PCDHGA5: variants seen among roughly 807,000 people sequenced by gnomAD.
PCDHGA5 encodes the protein protocadherin gamma subfamily A, 5.
Under a neutral mutation model 56.7 loss-of-function variants are expected in PCDHGA5, and 36 were observed. That is an observed-to-expected ratio of 0.64 (90% confidence interval 0.49 to 0.84). The LOEUF is 0.84. PCDHGA5 is among the 40% of genes least tolerant of loss of function. The pLI, the probability that PCDHGA5 is intolerant of heterozygous loss-of-function variation, is 0.00. For missense variants in PCDHGA5, 1,305 were observed against 1,201.5 expected, an observed-to-expected ratio of 1.09 and a Z score of -1.27; for synonymous variants, 563 against 520.2, an observed-to-expected ratio of 1.08 and a Z score of -1.12.
At position 141,476,518 on chromosome 5, in the gene PCDHGA5, T is replaced by C; in HGVS notation, c.2422-18289T>C. 1 of 1,614,214 alleles carries C rather than the reference T, an allele frequency of 6.2e-7. No individual in the cohort carries two copies. Among genetic ancestry groups the C allele is most frequent in the Non-Finnish European group, 8.5e-7 (1 of 1,180,038 alleles). ...AGGACATCAACGACAACAATCCTGC[T>C]TTCCCTACCCAGGAAATGAAATTGG... is the stretch of plus-strand genomic sequence containing the variant. On this transcript the variant is annotated intron_variant, in intron 1 of 3. Transcript: ENST00000518069. This position sits in a 1 kb window ranked among gnomAD's most constrained non-coding sequence, Gnocchi z 7.6.
chr5:141,442,702 T>G (rs1301940560), intron 1 of PCDHGA5, among the ~76,000 whole-genome samples: 6 of 152,224 alleles, frequency 3.9e-5, no homozygotes, highest in Non-Finnish European at 8.8e-5. Context: ...GACAAGAGTA[T>G]CAGACATGCC....
chr5:141,413,636 T>G, intron 1 of PCDHGA5: 2 of 1,613,876 alleles, frequency 1.2e-6, no homozygotes, highest in South Asian at 2.2e-5. Context: ...GCTGCGGGAA[T>G]GCGTTTTCCT....
At chr5:141,496,817 T>C (rs2099771666) in intron 2 of PCDHGA5, among the ~76,000 whole-genome samples, 1 of 151,020 alleles carries the variant, frequency 6.6e-6, no homozygotes, top group Non-Finnish European at 1.5e-5. Flanking sequence ...AGTGAACAAG[T>C]AGATGTGATC....
chr5:141,459,315 T>A (rs2154566534), intron 1 of PCDHGA5, among the ~76,000 whole-genome samples: 1 of 152,362 alleles, frequency 6.6e-6, no homozygotes, highest in Non-Finnish European at 1.5e-5. Flanking sequence ...CTATTTTGTA[T>A]CCATCTTCTT....
Position 141,432,394 on chromosome 5 carries a change from C to T in PCDHGA5, c.2422-62413C>T, listed in dbSNP as rs149830124. The T allele has an allele frequency of 1.7e-5, 27 of 1,614,260 alleles. No individual in the cohort carries two copies. The African/African-American group carries it at 2.7e-4, about 16-fold the overall frequency. On this transcript the variant is annotated intron_variant, in intron 1 of 3. Transcript: ENST00000518069. The surrounding 1 kb of genome is among the most constrained non-coding windows in gnomAD (Gnocchi z 6.0). ...ACGGGCACCCGCCCCTCAGCAGCAA[C>T]GTGTCGTTGAGCCTGTTCGTGCTGG...
intron 1 of PCDHGA5, among the ~76,000 whole-genome samples, chr5:141,472,445 C>T (rs2099280467): frequency 6.6e-6 from 1 of 151,956 alleles, no homozygotes; most frequent in Non-Finnish European, 1.5e-5. Flanking sequence ...GAGGCTGAGG[C>T]AGGAGAATCG....
intron 1 of PCDHGA5, chr5:141,374,629 G>T (rs1404855518): frequency 6.2e-7 from 1 of 1,613,096 alleles, no homozygotes; most frequent in Non-Finnish European, 8.5e-7. Flanking sequence ...CAGTGGACGT[G>T]CAAAGCGAAG....
chr5:141,485,762 G>A lies in PCDHGA5; in HGVS notation c.2422-9045G>A, dbSNP rs774145313. 3.1e-6 allele frequency: 5 copies of A among 1,614,226 alleles called. No homozygotes were observed. The highest frequency in any genetic ancestry group is 3.3e-5 in the Admixed American group (2 of 60,030). ...CAGCCTGGTCCCAGAGCTGCTCCTG[G>A]AGAAGCCTTTGGATCGAGAGAAGCA... On this transcript the variant is annotated intron_variant, in intron 1 of 3. Transcript: ENST00000518069. The surrounding 1 kb of genome is among the most constrained non-coding windows in gnomAD (Gnocchi z 5.7).
At position 141,512,750 on chromosome 5, in the gene PCDHGA5, G is replaced by C. The variant is rs538475261; in HGVS notation, c.*1577G>C. The C allele has an allele frequency of 2.6e-5, 4 of 152,894 alleles. No homozygotes were observed. The highest frequency in any genetic ancestry group is 4.4e-5 in the Non-Finnish European group (3 of 68,656). 9.5% of individuals were successfully genotyped at this position (152,894 alleles called of 1,614,324 possible). ...AGCGGGCGGCGGGCTCCGCGCAGCC[G>C]TCTGTCCTTGATCTGCCCGCGGCGG... On this transcript the variant is annotated 3_prime_UTR_variant, in exon 4 of 4. Coordinates refer to ENST00000518069, the MANE Select transcript of PCDHGA5 (RefSeq NM_018918.3).
In PCDHGA5 at chr5:141,408,560, A is replaced by G. The variant is rs368143982; in HGVS notation, c.2421+41809A>G. The G allele has an allele frequency of 6.3e-5, 102 of 1,613,910 alleles. No homozygotes were observed. Among genetic ancestry groups the G allele is most frequent in the Non-Finnish European group, 8.4e-5 (99 of 1,179,898 alleles). On this transcript the variant is annotated intron_variant, in intron 1 of 3. Coordinates refer to ENST00000518069, the MANE Select transcript of PCDHGA5 (RefSeq NM_018918.3). ...AAATCCTTTAAATATTTTTCATGTC[A>G]TTGTGGTGATTGAGGATGTTAATGA... is the stretch of plus-strand genomic sequence containing the variant.
In PCDHGA5 at chr5:141,364,834, G is replaced by T; in HGVS notation, c.504G>T (p.Arg168=). The T allele has an allele frequency of 6.2e-7, 1 of 1,613,982 alleles. No homozygotes were observed. The change falls in exon 1 of 4, where the codon CGG becomes CGT. Residue 168 remains arginine, a synonymous_variant. Coordinates refer to ENST00000518069, the MANE Select transcript of PCDHGA5 (RefSeq NM_018918.3). The stretch of plus-strand genomic sequence containing the variant: ...CGGATGTGGGTGTGAACTCTCTCCG[G>T]AGTTACCAGCTCAGCTCCAATCTGC... The part of the protein sequence containing the change: ...RDADVGVNSL[R]SYQLSSNLHF...
chr5:141,421,473 C>T (rs907282414), intron 1 of PCDHGA5: 10 of 1,613,994 alleles, frequency 6.2e-6, no homozygotes, highest in Middle Eastern at 1.6e-4. Context: ...ATCCGCGAAG[C>T]GGCAGCTTGA....
intron 1 of PCDHGA5, among the ~76,000 whole-genome samples, chr5:141,465,017 C>T (rs1278815002): frequency 6.6e-6 from 1 of 152,132 alleles, no homozygotes; most frequent in Non-Finnish European, 1.5e-5. Context: ...GCTAAGATTA[C>T]AGCCATGAAC....
intron 1 of PCDHGA5, among the ~76,000 whole-genome samples, chr5:141,450,006 C>CTATTTT (rs70988802): frequency 0.12 from 16,177 of 132,696 alleles, 1,810 homozygotes; most frequent in African/African-American, 0.21. Flanking sequence ...TGCCATGTCT[C>CTATTTT]TTTTTTTTTT....
chr5:141,499,751 A>G (rs1355923543), intron 2 of PCDHGA5, among the ~76,000 whole-genome samples: 2 of 149,258 alleles, frequency 1.3e-5, no homozygotes, highest in Non-Finnish European at 3.0e-5. Flanking sequence ...CTGTGGCACA[A>G]TCTCAGCTCA....
chr5:141,404,372 G>A (rs747130914), intron 1 of PCDHGA5: 7 of 1,613,844 alleles, frequency 4.3e-6, no homozygotes, highest in South Asian at 1.1e-5. Context: ...CATCTTCTCC[G>A]TGATTGCCTA....
chr5:141,400,337 C>G (rs752660585), intron 1 of PCDHGA5: 7 of 1,614,080 alleles, frequency 4.3e-6, no homozygotes, highest in African/African-American at 2.7e-5. Flanking sequence ...GTGGTTCCCC[C>G]CAACTACAGT....
Position 141,431,826 on chromosome 5 carries a change from TTCCCGAAAACTC to T in PCDHGA5, c.2422-62976_2422-62965del, listed in dbSNP as rs755346532. ...GTCCTCACCTCTCTCGCCAGCTCGGTTCCCGAAAACTCTCCCAGAGGGACATTAATTGCCCTT... is the reference window on the plus strand; with the variant it reads ...GTCCTCACCTCTCTCGCCAGCTCGGTTCCCAGAGGGACATTAATTGCCCTT... On this transcript the variant is annotated intron_variant, in intron 1 of 3. Transcript: ENST00000518069. The surrounding 1 kb of genome is among the most constrained non-coding windows in gnomAD (Gnocchi z 4.8). The T allele has an allele frequency of 4.3e-6, 7 of 1,614,102 alleles. No individual in the cohort carries two copies. Among genetic ancestry groups the T allele is most frequent in the Admixed American group, 1.7e-5 (1 of 60,006 alleles).
intron 1 of PCDHGA5, chr5:141,371,338 A>G (rs767000210): frequency 6.2e-7 from 1 of 1,613,990 alleles, no homozygotes; most frequent in Non-Finnish European, 8.5e-7. Context: ...AGAGATAGCT[A>G]CACAATTGGG....
Sources: allele counts gnomAD v4.1 joint callset (sites outside exome capture counted in the v4.1 genomes callset), GRCh38; gene constraint gnomAD v4.1.1; non-coding constraint Gnocchi (gnomAD v3.1); transcripts MANE v1.5; gene names NCBI Gene and HGNC (gene_info 2026-07-23, HGNC 2026-07-21).